DLL1: variants seen among roughly 807,000 people sequenced by gnomAD.
The protein encoded by DLL1 is delta-like protein 1.
A neutral mutation model predicts 75.1 loss-of-function variants in DLL1; 9 were observed. The ratio of observed to expected loss-of-function variants is 0.12; its 90% CI spans 0.07 to 0.21. DLL1 has a LOEUF of 0.21. Ranked by LOEUF, DLL1 falls within the 10% of genes least tolerant of loss-of-function variation. The pLI is 1.00. For missense variants in DLL1, 837 were observed against 1,007.6 expected (o/e 0.83, Z 2.29); for synonymous variants, 477 against 418.3 (o/e 1.14, Z -1.71).
chr6:170,285,265 C>T lies in DLL1; in HGVS notation c.1021G>A (p.Gly341Arg), dbSNP rs1227038102. The change falls in exon 7 of 11, where the codon GGG (glycine) becomes AGG (arginine). Residue 341 changes from glycine (G) to arginine (R), a missense_variant. Transcript: ENST00000366756. ...AGCCTCCGACTCACCGTGCAGCTCCCTCCGTTCTTACAAGGGCTGGGGTCA... is the reference window on the plus strand; with the variant it reads ...AGCCTCCGACTCACCGTGCAGCTCCTTCCGTTCTTACAAGGGCTGGGGTCA... ...ECDPSPCKNGGSCTDLENSYS... is the reference protein window; with the variant it reads ...ECDPSPCKNGRSCTDLENSYS... The T allele has an allele frequency of 6.2e-7, 1 of 1,614,194 alleles. No homozygotes were observed.
At position 170,290,944 on chromosome 6, in the gene DLL1, C is replaced by A; in HGVS notation, c.-805G>T. ...CAGAGGATCTGGCTCTCGCCGGCGC[C>A]TGCCGCCCTTATATTCAGCCGGCCG... On this transcript the variant is annotated 5_prime_UTR_variant, in exon 1 of 11. In the 5' UTR this introduces an upstream ATG that the reference lacks. Coordinates refer to ENST00000366756, the MANE Select transcript of DLL1 (RefSeq NM_005618.4). The surrounding 1 kb of genome is among the most constrained non-coding windows in gnomAD (Gnocchi z 4.7). 5.7e-6 allele frequency: 4 copies of A among 699,822 alleles called. No homozygotes were observed. Among genetic ancestry groups the A allele is most frequent in the Non-Finnish European group, 1.0e-5 (4 of 383,442 alleles). The allele number at this position is 699,822 out of a possible 1,614,324, so 43.4% of individuals were successfully genotyped here. A position where few individuals can be genotyped will look rare whatever the true frequency, so the allele number is the denominator to read the frequency against.
Position 170,283,950 on chromosome 6 carries a change from G to A in DLL1, c.1329C>T (p.Asn443=), listed in dbSNP as rs142808021. 642 of 1,592,112 alleles carry A rather than the reference G, an allele frequency of 4.0e-4. 1 individual carries two copies. Among genetic ancestry groups the A allele is most frequent in the Middle Eastern group, 2.5e-3 (14 of 5,568 alleles). The change falls in exon 9 of 11, where the codon AAC becomes AAT. Residue 443 remains asparagine, a synonymous_variant. Transcript: ENST00000366756. ...ACGGGGAGGAGGCGCAGTCGTCCAC[G>A]TTGTCGTCACAGTGCCTCCCCGAGA... is the stretch of plus-strand genomic sequence containing the variant. ...AGFSGRHCDD[N]VDDCASSPCA...
chr6:170,286,414 T>A, intron 4 of DLL1, 116 bp from the exon 5 acceptor site: 3 of 1,306,778 alleles, frequency 2.3e-6, no homozygotes, highest in Non-Finnish European at 3.3e-6. Context: ...CCAGCTGAGT[T>A]AATCTTCCCA....
At position 170,285,319 on chromosome 6, in the gene DLL1, C is replaced by T; in HGVS notation, c.967G>A (p.Ala323Thr). ...TCSCRPGYTG[A>T]TCELGIDECD... ...TCGTCAATCCCCAGCTCGCAGGTGG[C>T]ACCTGTGTACCCAGGCCGGCAAGAG... The change falls in exon 7 of 11, where the codon GCC (alanine) becomes ACC (threonine). Residue 323 changes from alanine (A) to threonine (T), a missense_variant. By Grantham distance (58) the Ala-to-Thr change is moderately conservative (BLOSUM62 0). Coordinates refer to ENST00000366756, the MANE Select transcript of DLL1 (RefSeq NM_005618.4). 2 of 1,614,160 alleles carry T rather than the reference C, an allele frequency of 1.2e-6. No individual in the cohort carries two copies. The highest frequency in any genetic ancestry group is 1.1e-5 in the South Asian group (1 of 91,072).
At chr6:170,287,603 CATT>C (rs1359526760) in intron 4 of DLL1, among the ~76,000 whole-genome samples, 7 of 152,338 alleles carry the variant, frequency 4.6e-5, no homozygotes, top group Admixed American at 2.0e-4. Flanking sequence ...ATTGGGAAGA[CATT>C]GCTTCTCCAG....
At chr6:170,289,266 G>A in intron 2 of DLL1, 1 of 670,396 alleles carries the variant, frequency 1.5e-6, no homozygotes, top group Non-Finnish European at 2.6e-6. Flanking sequence ...GAAATCTCCC[G>A]GGCGCGCTCG....
rs1475831873 is a variant in DLL1 at position 170,283,758 on chromosome 6, A to G, written c.1521T>C (p.Cys507=). 6.3e-7 allele frequency: 1 copy of G among 1,577,242 alleles called. No homozygotes were observed. The highest frequency in any genetic ancestry group is 1.8e-5 in the Admixed American group (1 of 55,926). The part of the protein sequence containing the change: ...HERGHRYVCE[C]ARGYGGPNCQ... ...AGTTGGGACCCCCGTAGCCTCGGGC[A>G]CACTCGCACACATAGCGGTGGCCCC... Residue 507 remains cysteine (C), a synonymous_variant, in exon 9 of 11, where the codon TGT becomes TGC. Coordinates refer to ENST00000366756, the MANE Select transcript of DLL1 (RefSeq NM_005618.4).
At position 170,285,254 on chromosome 6, in the gene DLL1, C is replaced by T. The variant is rs1783671554; in HGVS notation, c.1032G>A (p.Thr344=). 1.2e-6 allele frequency: 2 copies of T among 1,614,010 alleles called. No individual in the cohort carries two copies. Among genetic ancestry groups the T allele is most frequent in the Non-Finnish European group, 1.7e-6 (2 of 1,180,034 alleles). The change falls in exon 7 of 11, where the codon ACG becomes ACA. Residue 344 remains threonine (T), a splice_region_variant and synonymous_variant. Coordinates refer to ENST00000366756, the MANE Select transcript of DLL1 (RefSeq NM_005618.4). The part of the protein sequence containing the change: ...PSPCKNGGSC[T]DLENSYSCTC... ...AGATGCCATGGAGCCTCCGACTCAC[C>T]GTGCAGCTCCCTCCGTTCTTACAAG...
In DLL1 at chr6:170,290,062, C is replaced by T. The variant is rs1395615844; in HGVS notation, c.54+24G>A. The T allele has an allele frequency of 1.9e-6, 3 of 1,569,944 alleles. No individual in the cohort carries two copies. The highest frequency in any genetic ancestry group is 2.3e-5 in the South Asian group (2 of 88,018). Reference sequence around the variant, plus strand: ...CTACCCGTGAGACCCCGCGGGGCCGCGGCGCCCCCACCTGCCCGCCTACCT... The same window carrying T: ...CTACCCGTGAGACCCCGCGGGGCCGTGGCGCCCCCACCTGCCCGCCTACCT... On this transcript the variant is annotated intron_variant, in intron 1 of 10. Coordinates refer to ENST00000366756, the MANE Select transcript of DLL1 (RefSeq NM_005618.4). The surrounding 1 kb of genome is among the most constrained non-coding windows in gnomAD (Gnocchi z 4.7).
At position 170,288,772 on chromosome 6, in the gene DLL1, A is replaced by T. The variant is rs747006314; in HGVS notation, c.369T>A (p.Ile123=). The change falls in exon 3 of 11, where the codon ATT becomes ATA. Residue 123 remains isoleucine (I), a synonymous_variant. Coordinates refer to ENST00000366756, the MANE Select transcript of DLL1 (RefSeq NM_005618.4). ...GAGAATCTGTGTGGAGAGCTTCAAT[A>T]ATCAGAGAGAAGGTGCCCTGGGAGA... The part of the protein sequence containing the change: ...GFTWPGTFSL[I]IEALHTDSPD... 1.2e-6 allele frequency: 2 copies of T among 1,614,142 alleles called. No individual in the cohort carries two copies. The highest frequency in any genetic ancestry group is 1.7e-6 in the Non-Finnish European group (2 of 1,180,020).
In DLL1 at chr6:170,282,713, G is replaced by GCT. The variant is rs1403515396; in HGVS notation, c.*160_*161insAG. 2.4e-6 allele frequency: 3 copies of GCT among 1,225,634 alleles called. No individual in the cohort carries two copies. In the African/African-American group the frequency reaches 4.5e-5, roughly 18 times the overall value. 75.9% of individuals were successfully genotyped at this position (1,225,634 alleles called of 1,614,324 possible). On this transcript the variant is annotated 3_prime_UTR_variant, in exon 11 of 11. Coordinates refer to ENST00000366756, the MANE Select transcript of DLL1 (RefSeq NM_005618.4). ...CCGGGCCGCGACAGGCTGTCGGCAGGCGTCGAGGACCTCAGGAGGAGAACC... is the reference window on the plus strand; with the variant it reads ...CCGGGCCGCGACAGGCTGTCGGCAGGCTCGTCGAGGACCTCAGGAGGAGAACC...
In DLL1 at chr6:170,282,667, G is replaced by A. The variant is rs570100139; in HGVS notation, c.*207C>T. The stretch of plus-strand genomic sequence containing the variant: ...GTCCATAGTGCAACGGCGACGTCAC[G>A]GAAGGCAGTGCCGCAGGCGGCCGGG... On this transcript the variant is annotated 3_prime_UTR_variant, in exon 11 of 11. Coordinates refer to ENST00000366756, the MANE Select transcript of DLL1 (RefSeq NM_005618.4). The A allele has an allele frequency of 8.3e-6, 6 of 721,310 alleles. No homozygotes were observed. Among genetic ancestry groups the A allele is most frequent in the East Asian group, 2.6e-5 (1 of 39,208 alleles). 44.7% of individuals were successfully genotyped at this position (721,310 alleles called of 1,614,324 possible).
rs201394102 is a variant in DLL1, at chr6:170,289,560, G to A, written c.303C>T (p.Asp101=). Reference sequence around the variant, plus strand: ...AGCGGATGGGGTTGCTGAACGCGGAGTCGGCGCCCCCGCCGTCGGGCAGAC... The same window carrying A: ...AGCGGATGGGGTTGCTGAACGCGGAATCGGCGCCCCCGCCGTCGGGCAGAC... ...SFSLPDGGGA[D]SAFSNPIRFP... Residue 101 remains aspartate (D), a synonymous_variant, in exon 2 of 11, where the codon GAC becomes GAT. Coordinates refer to ENST00000366756, the MANE Select transcript of DLL1 (RefSeq NM_005618.4). 2 of 1,535,104 alleles carry A rather than the reference G, an allele frequency of 1.3e-6. No homozygotes were observed. Among genetic ancestry groups the A allele is most frequent in the East Asian group, 2.4e-5 (1 of 40,902 alleles).
chr6:170,282,578 A>AG lies in DLL1; in HGVS notation c.*295dup, dbSNP rs1324263859. On this transcript the variant is annotated 3_prime_UTR_variant, in exon 11 of 11. Coordinates refer to ENST00000366756, the MANE Select transcript of DLL1 (RefSeq NM_005618.4). ...AAGAATCCAAAATATACACTCAGGC[A>AG]GTGCATGCTTCTTATGCGTAATTCA... The AG allele has an allele frequency of 3.5e-6, 2 of 574,390 alleles. No individual in the cohort carries two copies. Among genetic ancestry groups the AG allele is most frequent in the Non-Finnish European group, 6.2e-6 (2 of 322,672 alleles). 35.6% of individuals were successfully genotyped at this position (574,390 alleles called of 1,614,324 possible).
At chr6:170,289,014 C>T (rs930488249) in intron 2 of DLL1, among the ~76,000 whole-genome samples, 44 of 152,084 alleles carry the variant, frequency 2.9e-4, no homozygotes, top group African/African-American at 1.0e-3. Flanking sequence ...GTTTTTTCAG[C>T]CTGTACTACA....
chr6:170,283,096 T>A lies in DLL1; in HGVS notation c.2058A>T (p.Ala686=). The A allele has an allele frequency of 6.2e-7, 1 of 1,614,128 alleles. No homozygotes were observed. Residue 686 remains alanine, a synonymous_variant, in exon 10 of 11, where the codon GCA becomes GCT. Coordinates refer to ENST00000366756, the MANE Select transcript of DLL1 (RefSeq NM_005618.4). ...CCGAGTCCGGCCTTTTTCTTTCAGA[T>A]GCTTCTCCACTAAAAGGAAAATAGA... ...GTPTTLRGGE[A]SERKRPDSGC... is the part of the protein sequence containing the mutation.
In DLL1 at chr6:170,290,920, A is replaced by C. The variant is rs1459996193; in HGVS notation, c.-781T>G. The C allele has an allele frequency of 2.9e-6, 2 of 694,302 alleles. No individual in the cohort carries two copies. The highest frequency in any genetic ancestry group is 5.3e-6 in the Non-Finnish European group (2 of 380,580). The allele number at this position is 694,302 out of a possible 1,614,324, so 43.0% of individuals were successfully genotyped here. On this transcript the variant is annotated 5_prime_UTR_variant, in exon 1 of 11. Coordinates refer to ENST00000366756, the MANE Select transcript of DLL1 (RefSeq NM_005618.4). The surrounding 1 kb of genome is among the most constrained non-coding windows in gnomAD (Gnocchi z 4.7). ...GGGTCGGGTCTCCGCGGGTGCGCGC[A>C]GAGGATCTGGCTCTCGCCGGCGCCT... is the stretch of plus-strand genomic sequence containing the variant.
At position 170,283,020 on chromosome 6, in the gene DLL1, C is replaced by T. The variant is rs1156358956; in HGVS notation, c.2134G>A (p.Glu712Lys). 1.6e-5 allele frequency: 26 copies of T among 1,614,014 alleles called. No homozygotes were observed. Among genetic ancestry groups the T allele is most frequent in the Non-Finnish European group, 2.0e-5 (24 of 1,180,044 alleles). Reference sequence around the variant, plus strand: ...GCTATGACGCACTCATCCTTCTCCTCGGATATGACGTACACCGACTGGTAC... The same window carrying T: ...GCTATGACGCACTCATCCTTCTCCTTGGATATGACGTACACCGACTGGTAC... Reference protein sequence around the residue: ...TKYQSVYVISEEKDECVIATE... With the variant: ...TKYQSVYVISKEKDECVIATE... Residue 712 changes from glutamate to lysine, a missense_variant, in exon 10 of 11, where the codon GAG becomes AAG. Glu to Lys is a moderately conservative substitution (Grantham distance 56). Around this residue, in one of 2 missense-constraint regions of DLL1, gnomAD observed 533 missense variants for 545.7 expected, o/e 0.98. Coordinates refer to ENST00000366756, the MANE Select transcript of DLL1 (RefSeq NM_005618.4).
In DLL1 at chr6:170,287,604, A is replaced by T. The variant is rs140971969; in HGVS notation, c.670+635T>A. Among the ~76,000 whole-genome samples, 19 of 152,292 alleles carry T rather than the reference A, an allele frequency of 1.2e-4. No homozygotes were observed. In the South Asian group the frequency reaches 1.5e-3, roughly 12 times the overall value. On this transcript the variant is annotated intron_variant, in intron 4 of 10. Transcript: ENST00000366756. ...GAGCCTCTGTCACTATTGGGAAGAC[A>T]TTGCTTCTCCAGACAAGGTGCTGCC...
Sources: allele counts gnomAD v4.1 joint callset (sites outside exome capture counted in the v4.1 genomes callset), GRCh38; gene constraint gnomAD v4.1.1; regional missense constraint gnomAD v4.1.1; non-coding constraint Gnocchi (gnomAD v3.1); transcripts MANE v1.5; gene names NCBI Gene and HGNC (gene_info 2026-07-23, HGNC 2026-07-21).